CCNJL: variants seen among roughly 807,000 people sequenced by gnomAD.
CCNJL encodes the protein cyclin J like, also known as cyclin-J-like protein.
A neutral mutation model predicts 33.4 loss-of-function variants in CCNJL; 33 were observed. The observed-to-expected ratio is 0.99, with a 90% confidence interval of 0.75 to 1.32. The LOEUF (loss-of-function observed/expected upper bound fraction) is 1.32. CCNJL is among the 40% of genes most tolerant of loss of function. CCNJL has a pLI of 0.00. For missense variants in CCNJL, 512 were observed against 499.7 expected, an observed-to-expected ratio of 1.02 and a Z score of -0.23; for synonymous variants, 227 against 220.9, an observed-to-expected ratio of 1.03 and a Z score of -0.24.
At chr5:160,330,383 CA>C (rs1335675159) in intron 1 of CCNJL, among the ~76,000 whole-genome samples, 1 of 152,200 alleles carries the variant, frequency 6.6e-6, no homozygotes, top group Non-Finnish European at 1.5e-5. Context: ...ACAGATGGAA[CA>C]GACCCTGGCT....
chr5:160,258,510 G>A (rs143474536), intron 4 of CCNJL: 98,647 of 1,483,650 alleles, frequency 0.066, 3,713 homozygotes, highest in Middle Eastern at 0.12. Context: ...AATATGAAGA[G>A]GAAAATTTCT....
At chr5:160,255,729 G>A in intron 4 of CCNJL, 21 bp from the exon 5 acceptor site, 1 of 1,610,820 alleles carries the variant, frequency 6.2e-7, no homozygotes, top group South Asian at 1.1e-5. Flanking sequence ...GCCACGGAGG[G>A]AGTCAGCATC....
chr5:160,275,155 G>A (rs963698902), intron 3 of CCNJL, among the ~76,000 whole-genome samples: 5 of 151,216 alleles, frequency 3.3e-5, no homozygotes, highest in Non-Finnish European at 7.4e-5. Flanking sequence ...TGCAATCTTG[G>A]CTCACTGCAA....
chr5:160,264,333 G>A (rs1260792913), intron 3 of CCNJL, among the ~76,000 whole-genome samples: 1 of 152,140 alleles, frequency 6.6e-6, no homozygotes, highest in African/African-American at 2.4e-5. Context: ...TGGTGGTGAC[G>A]GTGGTGCCTG....
At chr5:160,331,023 C>A (rs1474944987) in intron 1 of CCNJL, among the ~76,000 whole-genome samples, 2 of 152,032 alleles carry the variant, frequency 1.3e-5, no homozygotes, top group Non-Finnish European at 2.9e-5. Flanking sequence ...AGACTCTGAT[C>A]CCCTGTCCTC....
chr5:160,329,112 C>T (rs1434346885), intron 1 of CCNJL, among the ~76,000 whole-genome samples: 1 of 152,102 alleles, frequency 6.6e-6, no homozygotes, highest in Admixed American at 6.5e-5. Flanking sequence ...GGAGCCAAGC[C>T]ACAGTCCTGG....
At chr5:160,303,831 G>C (rs999377842) in intron 2 of CCNJL, among the ~76,000 whole-genome samples, 1 of 151,990 alleles carries the variant, frequency 6.6e-6, no homozygotes, top group Non-Finnish European at 1.5e-5. Flanking sequence ...GAGAACTGCT[G>C]GCTGCACTCC....
intron 2 of CCNJL, among the ~76,000 whole-genome samples, chr5:160,299,725 A>T (rs904552504): frequency 3.9e-5 from 6 of 152,022 alleles, no homozygotes; most frequent in Non-Finnish European, 7.4e-5. Flanking sequence ...GTGAGGACTC[A>T]TTCTACTGTT....
rs1561812550 is a variant in CCNJL at position 160,320,849 on chromosome 5, CCTTCT to C, written n.207-5349_207-5345del. 5.2e-3 allele frequency among the ~76,000 whole-genome samples: 332 copies of C among 63,250 alleles called. 2 individuals are homozygous for C. The highest frequency in any genetic ancestry group is 7.8e-3 in the Non-Finnish European group (217 of 27,704). 41.5% of individuals were successfully genotyped at this position (63,250 alleles called of 152,430 possible). On this transcript the variant is annotated intron_variant and non_coding_transcript_variant, in intron 1 of 7. Transcript: ENST00000377503. ...TCTTTCTTTCTTTCTTTCTTTCTTT[CCTTCT>C]TTCTTTCTTTCTTTCTCTCTTTCTT...
intron 5 of CCNJL, chr5:160,254,445 T>C: frequency 2.0e-6 from 1 of 510,166 alleles, no homozygotes; most frequent in Non-Finnish European, 3.5e-6. Flanking sequence ...AGACCAGGCT[T>C]TGGGGACCTT....
chr5:160,302,406 A>C (rs1762952938), intron 2 of CCNJL, among the ~76,000 whole-genome samples: 1 of 152,206 alleles, frequency 6.6e-6, no homozygotes, highest in African/African-American at 2.4e-5. Context: ...GTTCAATATA[A>C]ATTTCCTGAG....
intron 3 of CCNJL, among the ~76,000 whole-genome samples, chr5:160,265,171 A>G (rs1761521182): frequency 6.6e-6 from 1 of 152,166 alleles, no homozygotes; most frequent in Non-Finnish European, 1.5e-5. Context: ...ACTGTGCCCC[A>G]CGAATGCCCC....
At position 160,252,403 on chromosome 5, in the gene CCNJL, A is replaced by T. The variant is rs1406673814; in HGVS notation, c.*975T>A. 1 of 152,382 alleles carries T rather than the reference A, an allele frequency of 6.6e-6. No individual in the cohort carries two copies. The allele number at this position is 152,382 out of a possible 1,614,324, so 9.4% of individuals were successfully genotyped here. ...TGGGTTAAACTCATGCCCTGTAAGT[A>T]TGTGGTGGAGAGAGGTGGGAACTGT... is the stretch of plus-strand genomic sequence containing the variant. On this transcript the variant is annotated 3_prime_UTR_variant, in exon 6 of 6. Transcript: ENST00000257536.
intron 2 of CCNJL, among the ~76,000 whole-genome samples, chr5:160,301,462 C>T (rs1188534085): frequency 6.7e-6 from 1 of 149,754 alleles, no homozygotes; most frequent in Non-Finnish European, 1.5e-5. Flanking sequence ...GAGATGGAGT[C>T]TCACTCTGTC....
rs894198438 is a variant in CCNJL at position 160,251,436 on chromosome 5, C to T, written c.*1942G>A. The T allele has an allele frequency of 2.6e-5, 4 of 152,244 alleles. No individual in the cohort carries two copies. The highest frequency in any genetic ancestry group is 1.9e-4 in the East Asian group (1 of 5,198). The allele number at this position is 152,244 out of a possible 1,614,324, so 9.4% of individuals were successfully genotyped here. On this transcript the variant is annotated 3_prime_UTR_variant, in exon 6 of 6. Coordinates refer to ENST00000257536, the MANE Select transcript of CCNJL (RefSeq NM_001308173.3). The stretch of plus-strand genomic sequence containing the variant: ...TGGTTTCTTTGGAAAAACCCTGAGA[C>T]GGTGATGGAGCTGGGGTGTCAAGCC...
At chr5:160,263,840 G>T (rs1028519764) in intron 3 of CCNJL, among the ~76,000 whole-genome samples, 3 of 151,974 alleles carry the variant, frequency 2.0e-5, no homozygotes, top group African/African-American at 4.8e-5. Context: ...TTATTATACT[G>T]GGGGTTGAAA....
intron 1 of CCNJL, among the ~76,000 whole-genome samples, chr5:160,332,344 C>T (rs1477537538): frequency 1.3e-5 from 2 of 152,172 alleles, no homozygotes; most frequent in Non-Finnish European, 2.9e-5. Flanking sequence ...GGCAAAAGCT[C>T]CCTAACCAGT....
intron 5 of CCNJL, chr5:160,254,586 C>T (rs1253330854): frequency 2.7e-6 from 1 of 372,594 alleles, no homozygotes; most frequent in African/African-American, 2.1e-5. Flanking sequence ...AGGGCTTCCG[C>T]TTTGCCCACA....
intron 4 of CCNJL, among the ~76,000 whole-genome samples, chr5:160,257,564 G>C (rs993316126): frequency 1.2e-4 from 18 of 152,078 alleles, no homozygotes; most frequent in African/African-American, 3.9e-4. Flanking sequence ...TGTAATCCCA[G>C]CTCTCAGGGA....
Sources: gnomAD v4.1 joint callset for allele counts (sites outside exome capture counted in the v4.1 genomes callset) on GRCh38, gnomAD v4.1.1 for gene constraint, MANE v1.5 for transcripts, NCBI Gene and HGNC (gene_info 2026-07-23, HGNC 2026-07-21) for gene names.